Variants in CCDC150 observed in about 807,000 individuals in gnomAD.
The protein encoded by CCDC150 is coiled-coil domain-containing protein 150.
In CCDC150, 151 loss-of-function variants were observed where a neutral mutation model predicts 156.5. The ratio of observed to expected loss-of-function variants is 0.97; its 90% CI spans 0.85 to 1.10. CCDC150 has a LOEUF of 1.10. Ranked by LOEUF, CCDC150 falls within the 50% of genes least tolerant of loss-of-function variation. CCDC150 has a pLI of 0.00. For synonymous variants in CCDC150, 452 were observed against 429.4 expected (o/e 1.05, Z -0.65); for missense variants, 1,312 against 1,268.1 (o/e 1.03, Z -0.53).
At chr2:196,664,813 T>C (rs1400297677) in intron 5 of CCDC150, among the ~76,000 whole-genome samples, 1 of 148,312 alleles carries the variant, frequency 6.7e-6, no homozygotes, top group Non-Finnish European at 1.5e-5. Flanking sequence ...CAAAAGACAC[T>C]CTTATGAGGT....
intron 19 of CCDC150, among the ~76,000 whole-genome samples, chr2:196,720,010 A>G (rs940422453): frequency 6.6e-6 from 1 of 152,168 alleles, no homozygotes; most frequent in East Asian, 1.9e-4. Context: ...GATAATTGAA[A>G]CTAAGTACAT....
intron 14 of CCDC150, among the ~76,000 whole-genome samples, chr2:196,696,967 C>T (rs1456005075): frequency 1.3e-5 from 2 of 152,190 alleles, no homozygotes; most frequent in Non-Finnish European, 2.9e-5. Flanking sequence ...TTCTTAACCT[C>T]TCATGGCCTG....
chr2:196,691,191 G>T (rs1695446975), intron 13 of CCDC150, among the ~76,000 whole-genome samples: 1 of 152,140 alleles, frequency 6.6e-6, no homozygotes, highest in Admixed American at 6.5e-5. Flanking sequence ...ATCTCTGCCA[G>T]GTTTTGGTAT....
intron 13 of CCDC150, chr2:196,686,448 A>G (rs1173554780): frequency 6.6e-6 from 1 of 152,318 alleles, no homozygotes; most frequent in East Asian, 1.9e-4. Flanking sequence ...TTTTAGAATG[A>G]CCTTAATGAT....
chr2:196,730,801 C>T, intron 25 of CCDC150, 58 bp from the exon 26 acceptor site: 3 of 1,274,282 alleles, frequency 2.4e-6, no homozygotes, highest in South Asian at 2.7e-5. Context: ...AACAGTGAAG[C>T]ATTTGGTTTC....
intron 8 of CCDC150, among the ~76,000 whole-genome samples, chr2:196,670,534 C>T (rs1694137330): frequency 6.6e-6 from 1 of 151,422 alleles, no homozygotes; most frequent in African/African-American, 2.4e-5. Context: ...CTTCTCTCAT[C>T]TCAAAGAAAA....
At chr2:196,678,977 T>G (rs1463896646) in intron 13 of CCDC150, among the ~76,000 whole-genome samples, 2 of 152,196 alleles carry the variant, frequency 1.3e-5, no homozygotes, top group East Asian at 3.8e-4. Flanking sequence ...CATTATTATT[T>G]TGCTTGTCTG....
At chr2:196,646,248 G>T in intron 1 of CCDC150, 93 bp from the exon 2 acceptor site, 1 of 1,178,978 alleles carries the variant, frequency 8.5e-7, no homozygotes, top group Non-Finnish European at 1.2e-6. Flanking sequence ...AGTTCAACAG[G>T]ACAGTGATGC....
chr2:196,696,750 T>C (rs1695855820), intron 14 of CCDC150, among the ~76,000 whole-genome samples: 1 of 152,256 alleles, frequency 6.6e-6, no homozygotes, highest in African/African-American at 2.4e-5. Context: ...ATCTTAGCAA[T>C]ATCATTAAAT....
At chr2:196,716,353 A>AAGG (rs1334795592) in intron 17 of CCDC150, among the ~76,000 whole-genome samples, 3 of 148,728 alleles carry the variant, frequency 2.0e-5, no homozygotes, top group African/African-American at 7.9e-5. Flanking sequence ...AACTGGAAAC[A>AAGG]ACTTAAGTGT....
intron 14 of CCDC150, among the ~76,000 whole-genome samples, chr2:196,697,009 A>G (rs1298432581): frequency 6.6e-6 from 1 of 152,180 alleles, no homozygotes; most frequent in East Asian, 1.9e-4. Flanking sequence ...TAGTGTAGGT[A>G]TCCCACAGTA....
chr2:196,668,370 A>G (rs927167329), intron 7 of CCDC150, among the ~76,000 whole-genome samples: 2 of 152,100 alleles, frequency 1.3e-5, no homozygotes, highest in Middle Eastern at 3.4e-3. Flanking sequence ...CACAGCAAGT[A>G]GAATAGCTGG....
chr2:196,723,355 G>A (rs1480267030), intron 21 of CCDC150, among the ~76,000 whole-genome samples: 1 of 152,122 alleles, frequency 6.6e-6, no homozygotes, highest in Non-Finnish European at 1.5e-5. Flanking sequence ...ACATACCTGG[G>A]TGTGGTGGTG....
At chr2:196,708,797 T>C (rs989692063) in intron 15 of CCDC150, among the ~76,000 whole-genome samples, 3 of 152,250 alleles carry the variant, frequency 2.0e-5, no homozygotes, top group African/African-American at 7.2e-5. Flanking sequence ...AAATTCTGGG[T>C]TGAAAATTCT....
chr2:196,662,619 A>C (rs1028192568), intron 5 of CCDC150, among the ~76,000 whole-genome samples: 1 of 152,134 alleles, frequency 6.6e-6, no homozygotes, highest in South Asian at 2.1e-4. Flanking sequence ...CTGGTTCCTA[A>C]CAAGCCATGG....
chr2:196,646,505 G>A lies in CCDC150; in HGVS notation c.176+1G>A. On this transcript the variant is annotated splice_donor_variant, in intron 2 of 27. Transcript: ENST00000389175. LOFTEE classifies it high-confidence loss of function. ...TAATGTTGGATTTTGGTGAAAAAAG[G>A]TAACAAAAATGAACTACATCTCTGT... The A allele has an allele frequency of 1.9e-6, 3 of 1,612,586 alleles. No homozygotes were observed. The highest frequency in any genetic ancestry group is 2.5e-6 in the Non-Finnish European group (3 of 1,178,898).
intron 17 of CCDC150, chr2:196,713,682 C>A: frequency 3.6e-6 from 5 of 1,399,928 alleles, no homozygotes; most frequent in South Asian, 1.8e-5. Context: ...AAACAGGACT[C>A]GGTAAGTGAA....
intron 18 of CCDC150, 125 bp from the exon 19 acceptor site, chr2:196,719,372 C>T: frequency 1.6e-6 from 1 of 621,228 alleles, no homozygotes; most frequent in Admixed American, 3.7e-5. Context: ...TTAATTATTC[C>T]CACTAGCATC....
intron 4 of CCDC150, among the ~76,000 whole-genome samples, chr2:196,658,283 C>T (rs1001772878): frequency 3.3e-5 from 5 of 151,962 alleles, no homozygotes; most frequent in African/African-American, 1.2e-4. Context: ...GAATATGGTA[C>T]TGGGAGGGAC....
Sources: allele counts gnomAD v4.1 joint callset (sites outside exome capture counted in the v4.1 genomes callset), GRCh38; gene constraint gnomAD v4.1.1; transcripts MANE v1.5; gene names NCBI Gene and HGNC (gene_info 2026-07-23, HGNC 2026-07-21).